Variants in A2ML1 observed in about 807,000 individuals in gnomAD.
A2ML1 encodes the protein alpha-2-macroglobulin-like protein 1.
Under a neutral mutation model 181.9 loss-of-function variants are expected in A2ML1, and 161 were observed. The ratio of observed to expected loss-of-function variants is 0.89; its 90% CI spans 0.78 to 1.01. The LOEUF (loss-of-function observed/expected upper bound fraction) is 1.01. Among genes scored for constraint, A2ML1 ranks in the 50% least tolerant of loss-of-function variants. The pLI is 0.00. For missense variants in A2ML1, 1,670 were observed against 1,768.1 expected, an observed-to-expected ratio of 0.94 and a Z score of 1.00; for synonymous variants, 663 against 666.8, an observed-to-expected ratio of 0.99 and a Z score of 0.09.
intron 26 of A2ML1, among the ~76,000 whole-genome samples, chr12:8,858,803 T>C (rs1944159914): frequency 2.0e-5 from 3 of 152,116 alleles, no homozygotes; most frequent in Non-Finnish European, 4.4e-5. Context: ...ACTACTGGAC[T>C]AAAAGATCTC....
At chr12:8,837,385 G>C (rs888564102) in intron 7 of A2ML1, 55 bp from the exon 8 acceptor site, 15 of 1,603,214 alleles carry the variant, frequency 9.4e-6, no homozygotes, top group Non-Finnish European at 1.3e-5. Flanking sequence ...TGAGGGAAGA[G>C]TTGGATCTCA....
At chr12:8,886,022 A>T (rs1332328024) in intron 7 of A2ML1, among the ~76,000 whole-genome samples, 2 of 150,730 alleles carry the variant, frequency 1.3e-5, no homozygotes, top group African/African-American at 4.9e-5. Context: ...ACACACACAC[A>T]CACACACACA....
intron 7 of A2ML1, among the ~76,000 whole-genome samples, chr12:8,883,371 G>A (rs1218445045): frequency 4.6e-5 from 7 of 152,122 alleles, no homozygotes; most frequent in Admixed American, 1.3e-4. Flanking sequence ...AACTAAAATC[G>A]TCACCTTCTC....
intron 11 of A2ML1, 125 bp downstream of exon 11, chr12:8,841,661 C>A: frequency 9.9e-7 from 1 of 1,012,508 alleles, no homozygotes; most frequent in Non-Finnish European, 1.4e-6. Context: ...ACAAGTCCTG[C>A]TCTCCCGTTG....
intron 14 of A2ML1, among the ~76,000 whole-genome samples, chr12:8,846,492 G>C (rs116128689): frequency 1.3e-5 from 2 of 152,024 alleles, no homozygotes; most frequent in Non-Finnish European, 2.9e-5. Context: ...ATTTCTTTAG[G>C]TCAAGGGTTC....
intron 3 of A2ML1, among the ~76,000 whole-genome samples, chr12:8,829,091 T>C (rs939852692): frequency 1.3e-5 from 2 of 152,190 alleles, no homozygotes; most frequent in South Asian, 2.1e-4. Context: ...CTTTCAGTGA[T>C]ATAAAGTTAA....
intron 13 of A2ML1, 98 bp downstream of exon 13, chr12:8,845,600 C>A (rs910304633): frequency 1.1e-5 from 14 of 1,263,598 alleles, no homozygotes; most frequent in Non-Finnish European, 1.5e-5. Context: ...GTAATCCCAG[C>A]ACTTTGGGAG....
intron 4 of A2ML1, among the ~76,000 whole-genome samples, chr12:8,832,067 A>G (rs1943135126): frequency 6.6e-6 from 1 of 152,104 alleles, no homozygotes; most frequent in Admixed American, 6.5e-5. Flanking sequence ...CGAGTTTTTA[A>G]AGATAATTTG....
chr12:8,859,889 C>T (rs1196675516), intron 26 of A2ML1, among the ~76,000 whole-genome samples: 1 of 152,066 alleles, frequency 6.6e-6, no homozygotes, highest in African/African-American at 2.4e-5. Context: ...CTTTTGAGAG[C>T]AGGCCAGTCC....
chr12:8,884,442 A>T (rs1944902611), intron 7 of A2ML1, among the ~76,000 whole-genome samples: 2 of 145,176 alleles, frequency 1.4e-5, no homozygotes, highest in South Asian at 2.2e-4. Flanking sequence ...CGTCGAGTAG[A>T]CTCCAGTGTC....
intron 17 of A2ML1, 148 bp from the exon 18 acceptor site, chr12:8,850,012 T>C: frequency 1.4e-6 from 1 of 707,822 alleles, no homozygotes; most frequent in South Asian, 1.9e-5. Flanking sequence ...TGTGACTAGT[T>C]AGTTCCTCTT....
rs761362889 is a variant in A2ML1, at chr12:8,845,473, G to T, written c.1508G>T (p.Gly503Val). Reference sequence around the variant, plus strand: ...GGGAAAGGAAGTTTGGTGATGGAGGGGCAGAAACACCTGAACTCTAAGAAG... The same window carrying T: ...GGGAAAGGAAGTTTGGTGATGGAGGTGCAGAAACACCTGAACTCTAAGAAG... ...LIGKGSLVME[G>V]QKHLNSKKKG... The change falls in exon 13 of 36, where the codon GGG (glycine) becomes GTG (valine). Residue 503 changes from glycine (G) to valine (V), a missense_variant. Coordinates refer to ENST00000299698, the MANE Select transcript of A2ML1 (RefSeq NM_144670.6). The T allele has an allele frequency of 6.2e-7, 1 of 1,614,080 alleles. No individual in the cohort carries two copies. The highest frequency in any genetic ancestry group is 8.5e-7 in the Non-Finnish European group (1 of 1,180,014).
intron 23 of A2ML1, among the ~76,000 whole-genome samples, chr12:8,856,917 T>TTG (rs1491088107): frequency 2.3e-5 from 3 of 130,244 alleles, no homozygotes; most frequent in Non-Finnish European, 5.1e-5. Context: ...TTTTTTTTTT[T>TTG]GTATTTTTAG....
intron 29 of A2ML1, 44 bp downstream of exon 29, chr12:8,864,052 G>T: frequency 6.4e-7 from 1 of 1,567,894 alleles, no homozygotes; most frequent in Non-Finnish European, 8.7e-7. Context: ...GGTAGAATTA[G>T]ATCTTGTGTG....
chr12:8,823,610 C>A (rs144486306), intron 2 of A2ML1, 110 bp from the exon 3 acceptor site: 6 of 1,251,484 alleles, frequency 4.8e-6, no homozygotes, highest in Non-Finnish European at 4.5e-6. Context: ...TCTATCCTTG[C>A]TACCCCCATC....
chr12:8,846,633 A>G (rs1943695603), intron 14 of A2ML1, among the ~76,000 whole-genome samples: 1 of 152,094 alleles, frequency 6.6e-6, no homozygotes, highest in East Asian at 1.9e-4. Context: ...CAGCCTGGTG[A>G]AACCGTGTCT....
chr12:8,880,353 A>G (rs1944858804), downstream of A2ML1, among the ~76,000 whole-genome samples: 1 of 152,212 alleles, frequency 6.6e-6, no homozygotes, highest in East Asian at 1.9e-4. Flanking sequence ...TGGGCAACAG[A>G]GCAAGACTGT....
chr12:8,858,350 A>G (rs1944143512), intron 26 of A2ML1: 1 of 358,838 alleles, frequency 2.8e-6, no homozygotes, highest in East Asian at 4.7e-5. Context: ...TGGGAGGCCG[A>G]GGCGGGCAGA....
At chr12:8,837,635 A>G (rs1217120637) in intron 8 of A2ML1, 69 bp downstream of exon 8, 1 of 1,489,928 alleles carries the variant, frequency 6.7e-7, no homozygotes, top group Non-Finnish European at 9.0e-7. Flanking sequence ...TCATCCCAGC[A>G]CTTTGGGAGG....
Sources: gnomAD v4.1 joint callset for allele counts (sites outside exome capture counted in the v4.1 genomes callset) on GRCh38, gnomAD v4.1.1 for gene constraint, MANE v1.5 for transcripts, NCBI Gene and HGNC (gene_info 2026-07-23, HGNC 2026-07-21) for gene names.